The following CDC42BPA variants were observed in gnomAD, a reference collection of about 807,000 sequenced individuals.
The protein encoded by CDC42BPA is serine/threonine-protein kinase MRCK alpha.
Under a neutral mutation model 223.5 loss-of-function variants are expected in CDC42BPA, and 80 were observed. The observed-to-expected ratio is 0.36, with a 90% confidence interval of 0.30 to 0.43. CDC42BPA has a LOEUF of 0.43. CDC42BPA is among the 20% of genes least tolerant of loss of function. The pLI is 1.00. For missense variants in CDC42BPA, 1,743 were observed against 2,099.9 expected, an observed-to-expected ratio of 0.83 and a Z score of 3.32; for synonymous variants, 694 against 718.6, an observed-to-expected ratio of 0.97 and a Z score of 0.55.
chr1:227,016,258 A>C, intron 33 of CDC42BPA, 61 bp from the exon 34 acceptor site: 3 of 873,082 alleles, frequency 3.4e-6, no homozygotes, highest in Non-Finnish European at 5.7e-6. Flanking sequence ...AGCTTATGAA[A>C]AAAATTAAGC....
At chr1:227,151,727 CT>C in intron 6 of CDC42BPA, among the ~76,000 whole-genome samples, 1 of 151,942 alleles carries the variant, frequency 6.6e-6, no homozygotes, top group South Asian at 2.1e-4. Flanking sequence ...TGTTGAGCAC[CT>C]TTTCAAGTGC....
chr1:227,306,650 T>C lies in CDC42BPA; in HGVS notation c.178+10355A>G, dbSNP rs1007590897. 6.6e-5 allele frequency among the ~76,000 whole-genome samples: 10 copies of C among 152,226 alleles called. 1 individual carries two copies. The highest frequency in any genetic ancestry group is 8.8e-5 in the Non-Finnish European group (6 of 68,034). Reference sequence around the variant, plus strand: ...CTATAAGTAGAGAGTATGGAAAAGCTTTATGATATCATATGTCAGCTTCAC... The same window carrying C: ...CTATAAGTAGAGAGTATGGAAAAGCCTTATGATATCATATGTCAGCTTCAC... On this transcript the variant is annotated intron_variant, in intron 1 of 36. Coordinates refer to ENST00000366766, the MANE Select transcript of CDC42BPA (RefSeq NM_001394014.1).
intron 2 of CDC42BPA, among the ~76,000 whole-genome samples, chr1:227,233,695 G>A (rs1678458233): frequency 6.6e-6 from 1 of 152,126 alleles, no homozygotes; most frequent in African/African-American, 2.4e-5. Context: ...GAATTTTGGA[G>A]GCTGAGGTGG....
intron 6 of CDC42BPA, among the ~76,000 whole-genome samples, chr1:227,159,686 A>C (rs1663500109): frequency 6.6e-6 from 1 of 152,108 alleles, no homozygotes; most frequent in Non-Finnish European, 1.5e-5. Flanking sequence ...TGTGGCATAT[A>C]AACTTTTTTT....
intron 15 of CDC42BPA, among the ~76,000 whole-genome samples, chr1:227,092,719 CATT>C (rs1157064010): frequency 5.3e-5 from 8 of 152,036 alleles, no homozygotes; most frequent in Non-Finnish European, 7.4e-5. Context: ...GAAATAATTT[CATT>C]ATTATTAGCA....
At position 227,031,366 on chromosome 1, in the gene CDC42BPA, T is replaced by C. The variant is rs558334936; in HGVS notation, c.3707A>G (p.Tyr1236Cys). 3.3e-5 allele frequency: 54 copies of C among 1,614,002 alleles called. No individual in the cohort carries two copies. Among genetic ancestry groups the C allele is most frequent in the East Asian group, 2.5e-4 (11 of 44,888 alleles). Residue 1236 changes from tyrosine (Y) to cysteine (C), a missense_variant, in exon 28 of 37, where the codon TAT becomes TGT. By Grantham distance (194) the Tyr-to-Cys change is radical (BLOSUM62 -2). Coordinates refer to ENST00000366766, the MANE Select transcript of CDC42BPA (RefSeq NM_001394014.1). ...KKNKFRDRSV[Y>C]VPKEAYDSTL... The stretch of plus-strand genomic sequence containing the variant: ...GCTGTCATAAGCCTCTTTGGGAACA[T>C]AGACTGAGCGGTCTCTGAATTTGTT...
chr1:227,101,907 G>A (rs1685113704), intron 14 of CDC42BPA, among the ~76,000 whole-genome samples: 1 of 152,110 alleles, frequency 6.6e-6, no homozygotes, highest in Admixed American at 6.5e-5. Flanking sequence ...AAAATGTAAA[G>A]TCCAAAGATT....
chr1:227,094,958 G>A (rs1033662421), intron 15 of CDC42BPA, among the ~76,000 whole-genome samples: 1 of 152,230 alleles, frequency 6.6e-6, no homozygotes, highest in Non-Finnish European at 1.5e-5. Flanking sequence ...ACCAGTGAGA[G>A]GGCACATTAG....
chr1:227,004,788 T>A (rs1400437443), intron 35 of CDC42BPA: 2 of 673,336 alleles, frequency 3.0e-6, no homozygotes, highest in African/African-American at 3.5e-5. Context: ...AGATGGCCTG[T>A]ACACTCTAGA....
At chr1:227,175,376 T>C (rs1194665286) in intron 5 of CDC42BPA, among the ~76,000 whole-genome samples, 5 of 151,924 alleles carry the variant, frequency 3.3e-5, no homozygotes, top group African/African-American at 7.3e-5. Context: ...ATATATCCAC[T>C]GAGTACAATA....
At chr1:227,035,057 A>T (rs1229664064) in intron 25 of CDC42BPA, among the ~76,000 whole-genome samples, 1 of 152,196 alleles carries the variant, frequency 6.6e-6, no homozygotes, top group East Asian at 1.9e-4. Context: ...ATATTTCATT[A>T]AAATAACACT....
At chr1:227,090,027 C>T (rs12073220) in intron 16 of CDC42BPA, among the ~76,000 whole-genome samples, 31,044 of 151,938 alleles carry the variant, frequency 0.2, 3,267 homozygotes, top group Middle Eastern at 0.26. Flanking sequence ...TATTGACCTG[C>T]TTGGATAAAG....
At chr1:227,094,026 C>T (rs1304019638) in intron 15 of CDC42BPA, among the ~76,000 whole-genome samples, 1 of 152,156 alleles carries the variant, frequency 6.6e-6, no homozygotes, top group African/African-American at 2.4e-5. Flanking sequence ...ATCTTTAACA[C>T]CTACCCAATC....
chr1:227,165,458 T>C (rs1259604349), intron 5 of CDC42BPA, among the ~76,000 whole-genome samples: 3 of 144,388 alleles, frequency 2.1e-5, no homozygotes, highest in Non-Finnish European at 3.1e-5. Flanking sequence ...ATTTTAAGAG[T>C]ACTGACAAAC....
At chr1:227,024,204 A>C (rs1431540626) in intron 31 of CDC42BPA, among the ~76,000 whole-genome samples, 20 of 152,200 alleles carry the variant, frequency 1.3e-4, no homozygotes, top group Admixed American at 1.2e-3. Context: ...AATATGAATG[A>C]TGAATAAACA....
intron 32 of CDC42BPA, among the ~76,000 whole-genome samples, chr1:227,019,378 C>G (rs984576817): frequency 1.3e-5 from 2 of 152,150 alleles, no homozygotes; most frequent in African/African-American, 4.8e-5. Flanking sequence ...GTAGTTATTT[C>G]CTTCACTGAT....
chr1:227,147,643 A>G, intron 6 of CDC42BPA, 84 bp from the exon 7 acceptor site: 1 of 669,902 alleles, frequency 1.5e-6, no homozygotes, highest in Non-Finnish European at 2.4e-6. Flanking sequence ...AATAGACATT[A>G]TTATCTCATA....
intron 2 of CDC42BPA, among the ~76,000 whole-genome samples, chr1:227,222,381 C>T (rs1247459133): frequency 6.6e-6 from 1 of 151,728 alleles, no homozygotes; most frequent in Non-Finnish European, 1.5e-5. Context: ...CACCTGTAGT[C>T]CCAGCTACTC....
At chr1:227,261,310 T>C (rs1684026291) in intron 1 of CDC42BPA, among the ~76,000 whole-genome samples, 1 of 150,524 alleles carries the variant, frequency 6.6e-6, no homozygotes, top group Non-Finnish European at 1.5e-5. Flanking sequence ...GAGACGGGGT[T>C]TCACCATGTT....
Sources: gnomAD v4.1 joint callset for allele counts (sites outside exome capture counted in the v4.1 genomes callset) on GRCh38, gnomAD v4.1.1 for gene constraint, MANE v1.5 for transcripts, NCBI Gene and HGNC (gene_info 2026-07-23, HGNC 2026-07-21) for gene names.